Variants in PGAP2 observed in about 807,000 individuals in gnomAD.
The protein encoded by PGAP2 is acyltransferase PGAP2.
Under a neutral mutation model 33.2 loss-of-function variants are expected in PGAP2, and 21 were observed. That is an observed-to-expected ratio of 0.63 (90% CI 0.45 to 0.91). The LOEUF (loss-of-function observed/expected upper bound fraction) is 0.91, where lower values mean the gene tolerates loss of function less well. PGAP2 is among the 40% of genes least tolerant of loss of function. The pLI, the probability that PGAP2 is intolerant of heterozygous loss-of-function variation, is 0.00. For missense variants in PGAP2, 345 were observed against 424.0 expected (o/e 0.81, Z 1.64); for synonymous variants, 161 against 172.9 (o/e 0.93, Z 0.54).
At chr11:3,809,218 A>G (rs2085054547) in intron 1 of PGAP2, among the ~76,000 whole-genome samples, 1 of 152,194 alleles carries the variant, frequency 6.6e-6, no homozygotes. Flanking sequence ...GGTAGCTCCA[A>G]AGAAAGCAAT....
Position 3,823,326 on chromosome 11 carries a change from G to A in PGAP2, c.349-557G>A, listed in dbSNP as rs1045851953. ...GCTGGGATTACAGATGTGAGCCATC[G>A]TGCCCAGCCCACCCACTTTGTTAAT... On this transcript the variant is annotated intron_variant, in intron 3 of 6. Coordinates refer to ENST00000278243, the MANE Select transcript of PGAP2 (RefSeq NM_014489.4). 7.2e-5 allele frequency among the ~76,000 whole-genome samples: 11 copies of A among 152,050 alleles called. No homozygotes were observed. In the East Asian group the frequency reaches 1.2e-3, roughly 16 times the overall value.
At chr11:3,797,893 A>G in exon 1 of PGAP2, 1 of 1,549,144 alleles carries the variant, frequency 6.5e-7, no homozygotes, top group Non-Finnish European at 8.7e-7. Context: ...GTGGTGACGC[A>G]ACATAGAGAC....
At position 3,825,023 on chromosome 11, in the gene PGAP2, C is replaced by T. The variant is rs117338939; in HGVS notation, c.712C>T (p.Arg238Cys). 7.3e-4 allele frequency: 1,179 copies of T among 1,614,126 alleles called. 1 individual carries two copies. Among genetic ancestry groups the T allele is most frequent in the Non-Finnish European group, 9.4e-4 (1,111 of 1,180,000 alleles). Residue 238 changes from arginine to cysteine, a missense_variant, in exon 6 of 7, where the codon CGC becomes TGC. Arg to Cys is a radical substitution (Grantham distance 180). Coordinates refer to ENST00000278243, the MANE Select transcript of PGAP2 (RefSeq NM_014489.4). ...GATCAGACAGCCCATTCCCTAGGATCGCAAGTCCTACAGCTGGAAACAGCG... is the reference window on the plus strand; with the variant it reads ...GATCAGACAGCCCATTCCCTAGGATTGCAAGTCCTACAGCTGGAAACAGCG... ...TKKHTVSQED[R>C]KSYSWKQRLF... is the part of the protein sequence containing the mutation.
At position 3,824,092 on chromosome 11, in the gene PGAP2, C is replaced by T. The variant is rs776879191; in HGVS notation, c.558C>T (p.Leu186=). The part of the protein sequence containing the change: ...LNFGLNVVEN[L]ALLVLTYVSS... ...TCGGCCTCAATGTCGTGGAGAACCT[C>T]GCGTTGCTAGTGCTCACTTATGTCT... Residue 186 remains leucine (L), a synonymous_variant, in exon 4 of 7, where the codon CTC becomes CTT. Coordinates refer to ENST00000278243, the MANE Select transcript of PGAP2 (RefSeq NM_014489.4). The T allele has an allele frequency of 2.2e-5, 36 of 1,614,066 alleles. No homozygotes were observed. Among genetic ancestry groups the T allele is most frequent in the Middle Eastern group, 1.6e-4 (1 of 6,084 alleles).
intron 3 of PGAP2, chr11:3,817,900 G>T (rs1320908032): frequency 2.1e-6 from 1 of 465,200 alleles, no homozygotes; most frequent in Non-Finnish European, 4.3e-6. Flanking sequence ...AAAAAAATTA[G>T]CTGGGTGCCC....
intron 1 of PGAP2, among the ~76,000 whole-genome samples, chr11:3,799,036 G>T (rs1401110103): frequency 2.0e-5 from 3 of 152,260 alleles, no homozygotes; most frequent in African/African-American, 7.2e-5. Context: ...TTGAGCTAAT[G>T]CTTGGGCAGG....
chr11:3,808,256 C>T (rs1456253722), upstream of PGAP2: 2 of 1,550,700 alleles, frequency 1.3e-6, no homozygotes, highest in Admixed American at 3.9e-5. Context: ...AGAAAGAAAT[C>T]CGGCCCCTGT....
chr11:3,802,054 T>C (rs1209289163), intron 1 of PGAP2, among the ~76,000 whole-genome samples: 1 of 148,846 alleles, frequency 6.7e-6, no homozygotes, highest in African/African-American at 2.5e-5. Flanking sequence ...TGTCTTTTTT[T>C]CTTTTATTTC....
chr11:3,821,084 G>A (rs1028617440), intron 3 of PGAP2, among the ~76,000 whole-genome samples: 3 of 152,192 alleles, frequency 2.0e-5, no homozygotes, highest in Admixed American at 6.5e-5. Flanking sequence ...CTCAAGCTAT[G>A]GCTTTGAGAC....
At chr11:3,819,374 TG>T (rs1202375530) in intron 3 of PGAP2, among the ~76,000 whole-genome samples, 1 of 152,064 alleles carries the variant, frequency 6.6e-6, no homozygotes, top group Non-Finnish European at 1.5e-5. Context: ...CTCATGCTCC[TG>T]GGGGAACCAG....
chr11:3,808,403 G>A (rs532557460), upstream of PGAP2: 138 of 1,546,582 alleles, frequency 8.9e-5, no homozygotes, highest in Admixed American at 1.2e-4. Flanking sequence ...AAATTAGTGG[G>A]GGCAGACCCG....
At chr11:3,822,281 G>C (rs9666327) in intron 3 of PGAP2, among the ~76,000 whole-genome samples, 2,930 of 151,706 alleles carry the variant, frequency 0.019, 99 homozygotes, top group African/African-American at 0.067. Context: ...GGAGAATGGC[G>C]TGAACCCGGG....
chr11:3,825,010 C>G lies in PGAP2; in HGVS notation c.709-10C>G. On this transcript the variant is annotated splice_polypyrimidine_tract_variant and intron_variant, in intron 5 of 6. Transcript: ENST00000278243. The stretch of plus-strand genomic sequence containing the variant: ...CAAGCTGCAGAGTGATCAGACAGCC[C>G]ATTCCCTAGGATCGCAAGTCCTACA... The G allele has an allele frequency of 6.2e-7, 1 of 1,614,110 alleles. No homozygotes were observed.
At chr11:3,822,968 A>C in intron 3 of PGAP2, 2 of 1,532,922 alleles carry the variant, frequency 1.3e-6, no homozygotes, top group South Asian at 1.2e-5. Flanking sequence ...GCACAAGAAC[A>C]TGGTCATTTC....
intron 1 of PGAP2, among the ~76,000 whole-genome samples, chr11:3,809,868 T>C (rs2085183788): frequency 1.3e-5 from 2 of 152,210 alleles, no homozygotes; most frequent in Non-Finnish European, 2.9e-5. Flanking sequence ...TGTGGAGGCG[T>C]AGCCACCTGG....
intron 2 of PGAP2, among the ~76,000 whole-genome samples, chr11:3,814,749 TTTCTTTCTTTCTTTC>T (rs1565011214): frequency 1.5e-5 from 1 of 67,264 alleles, no homozygotes; most frequent in Non-Finnish European, 2.7e-5. Flanking sequence ...CTTTCCTTCT[TTTCTTTCTTTCTTTC>T]TTTCTTTCTT....
chr11:3,824,404 A>G (rs1202600115), intron 5 of PGAP2, 28 bp downstream of exon 5: 1 of 1,614,108 alleles, frequency 6.2e-7, no homozygotes, highest in Admixed American at 1.7e-5. Flanking sequence ...CGGGGGCTCC[A>G]AGGCAGCCCA....
chr11:3,797,879 A>C, exon 1 of PGAP2: 1 of 1,549,776 alleles, frequency 6.5e-7, no homozygotes, highest in Non-Finnish European at 8.7e-7. Flanking sequence ...GGGTGTCGGG[A>C]AGGGTGGTGA....
intron 1 of PGAP2, among the ~76,000 whole-genome samples, chr11:3,809,314 A>G (rs567438620): frequency 6.6e-6 from 1 of 152,214 alleles, no homozygotes; most frequent in Non-Finnish European, 1.5e-5. Context: ...GGTGTGGAGT[A>G]GAATGACCAA....
Sources: allele counts gnomAD v4.1 joint callset (sites outside exome capture counted in the v4.1 genomes callset), GRCh38; gene constraint gnomAD v4.1.1; transcripts MANE v1.5; gene names NCBI Gene and HGNC (gene_info 2026-07-23, HGNC 2026-07-21).